The following SPR variants were observed in gnomAD, a reference collection of about 807,000 sequenced individuals.
SPR encodes the protein sepiapterin reductase.
SPR carries 12 observed loss-of-function variants against 16.0 expected under a neutral mutation model. The observed-to-expected ratio is 0.75, with a 90% CI of 0.48 to 1.22. The LOEUF (loss-of-function observed/expected upper bound fraction) is 1.22, where lower values mean the gene tolerates loss of function less well. Ranked by LOEUF, SPR falls within the 50% of genes most tolerant of loss-of-function variation. The pLI, the probability that SPR is intolerant of heterozygous loss-of-function variation, is 0.00. For missense variants in SPR, 324 were observed against 344.4 expected (o/e 0.94, Z 0.47); for synonymous variants, 177 against 168.5 (o/e 1.05, Z -0.39).
In SPR at chr2:72,891,444, G is replaced by A. The variant is rs772687023; in HGVS notation, c.693G>A (p.Leu231=). 1 of 1,614,256 alleles carries A rather than the reference G, an allele frequency of 6.2e-7. No individual in the cohort carries two copies. Among genetic ancestry groups the A allele is most frequent in the Non-Finnish European group, 8.5e-7 (1 of 1,180,050 alleles). The part of the protein sequence containing the change: ...GLQELKAKGK[L]VDCKVSAQKL... Reference sequence around the variant, plus strand: ...AGGAGCTGAAGGCAAAGGGGAAGCTGGTGGATTGCAAGGTGTCAGCCCAGA... The same window carrying A: ...AGGAGCTGAAGGCAAAGGGGAAGCTAGTGGATTGCAAGGTGTCAGCCCAGA... The change falls in exon 3 of 3, where the codon CTG becomes CTA. Residue 231 remains leucine, a synonymous_variant. Transcript: ENST00000234454.
At chr2:72,887,800 T>G in intron 1 of SPR, 64 bp downstream of exon 1, 2 of 1,423,006 alleles carry the variant, frequency 1.4e-6, no homozygotes, top group Non-Finnish European at 1.8e-6. Flanking sequence ...CGCTGGGGAA[T>G]TTAAGGGCTA....
Position 72,887,612 on chromosome 2 carries a change from C to A in SPR, c.180C>A (p.Gly60=). 1 of 1,427,862 alleles carries A rather than the reference C, an allele frequency of 7.0e-7. No homozygotes were observed. The highest frequency in any genetic ancestry group is 1.5e-5 in the South Asian group (1 of 67,108). The allele number at this position is 1,427,862 out of a possible 1,614,324, so 88.4% of individuals were successfully genotyped here. The change falls in exon 1 of 3, where the codon GGC becomes GGA. Residue 60 remains glycine, a synonymous_variant. Coordinates refer to ENST00000234454, the MANE Select transcript of SPR (RefSeq NM_003124.5). ...LEAELGAERS[G]LRVVRVPADL... ...CCGAGCTGGGCGCCGAGCGGTCTGG[C>A]CTGCGCGTGGTGCGGGTGCCCGCCG... is the stretch of plus-strand genomic sequence containing the variant.
intron 2 of SPR, among the ~76,000 whole-genome samples, chr2:72,891,030 T>A (rs1670613355): frequency 6.6e-6 from 1 of 152,162 alleles, no homozygotes; most frequent in Non-Finnish European, 1.5e-5. Context: ...ATGGACGTTT[T>A]GAGTCTGGGA....
Position 72,891,662 on chromosome 2 carries a change from T to A in SPR, c.*125T>A. On this transcript the variant is annotated 3_prime_UTR_variant, in exon 3 of 3. Coordinates refer to ENST00000234454, the MANE Select transcript of SPR (RefSeq NM_003124.5). ...TACACATAGAAGCATTCATGCCTGC[T>A]GCCCTGCCCTCAGGCACAGCCAGCT... 2 of 1,141,574 alleles carry A rather than the reference T, an allele frequency of 1.8e-6. No homozygotes were observed. Among genetic ancestry groups the A allele is most frequent in the Non-Finnish European group, 2.5e-6 (2 of 785,004 alleles). 70.7% of individuals were successfully genotyped at this position (1,141,574 alleles called of 1,614,324 possible).
chr2:72,889,147 C>T (rs1362211802), intron 2 of SPR, among the ~76,000 whole-genome samples: 1 of 152,204 alleles, frequency 6.6e-6, no homozygotes, highest in Non-Finnish European at 1.5e-5. Flanking sequence ...GACATGCTAG[C>T]TGTATGGAGA....
intron 2 of SPR, 147 bp from the exon 3 acceptor site, chr2:72,891,200 G>C (rs1255469505): frequency 1.2e-6 from 1 of 846,168 alleles, no homozygotes; most frequent in East Asian, 2.7e-5. Context: ...GGAGCCTTTG[G>C]CAACCCTGAC....
In SPR at chr2:72,891,573, C is replaced by T. The variant is rs373766439; in HGVS notation, c.*36C>T. 89 of 1,611,650 alleles carry T rather than the reference C, an allele frequency of 5.5e-5. No homozygotes were observed. Among genetic ancestry groups the T allele is most frequent in the Non-Finnish European group, 6.7e-5 (79 of 1,178,498 alleles). Reference sequence around the variant, plus strand: ...TTGGCTTCCTGAACCTTTTTGCCCCCACTTTTAGACATACCCCAGAGCCCT... The same window carrying T: ...TTGGCTTCCTGAACCTTTTTGCCCCTACTTTTAGACATACCCCAGAGCCCT... On this transcript the variant is annotated 3_prime_UTR_variant, in exon 3 of 3. Transcript: ENST00000234454.
In SPR at chr2:72,887,728, A is replaced by G; in HGVS notation, c.296A>G (p.Asn99Ser). 2 of 1,512,820 alleles carry G rather than the reference A, an allele frequency of 1.3e-6. No homozygotes were observed. The highest frequency in any genetic ancestry group is 2.6e-5 in the East Asian group (1 of 38,542). The allele number at this position is 1,512,820 out of a possible 1,614,324, so 93.7% of individuals were successfully genotyped here. The change falls in exon 1 of 3, where the codon AAC becomes AGC. Residue 99 changes from asparagine to serine, a missense_variant. Coordinates refer to ENST00000234454, the MANE Select transcript of SPR (RefSeq NM_003124.5). ...PKGLQRLLLINNAGSLGDVSK... is the reference protein window; with the variant it reads ...PKGLQRLLLISNAGSLGDVSK... ...GGGCTGCAGCGACTGCTGCTTATCA[A>G]CAACGCGGGTAAGACCCCGGGGCTG...
chr2:72,890,722 T>C (rs1670608064), intron 2 of SPR, among the ~76,000 whole-genome samples: 1 of 152,212 alleles, frequency 6.6e-6, no homozygotes, highest in South Asian at 2.1e-4. Context: ...CTAATTTTTG[T>C]ATTTTTAGTA....
At chr2:72,888,978 A>G (rs138863765) in intron 2 of SPR, among the ~76,000 whole-genome samples, 83 of 152,262 alleles carry the variant, frequency 5.5e-4, no homozygotes, top group African/African-American at 1.9e-3. Context: ...AATGACCCTG[A>G]CCTGTGAAGT....
rs1462724027 is a variant in SPR, at chr2:72,887,703, G to C, written c.271G>C (p.Gly91Arg). 2.0e-6 allele frequency: 3 copies of C among 1,510,858 alleles called. No homozygotes were observed. The East Asian group carries it at 7.9e-5, about 40-fold the overall frequency. 93.6% of individuals were successfully genotyped at this position (1,510,858 alleles called of 1,614,324 possible). A position where few individuals can be genotyped will look rare whatever the true frequency, so the allele number is the denominator to read the frequency against. Residue 91 changes from glycine to arginine, a missense_variant, in exon 1 of 3, where the codon GGG becomes CGG. By Grantham distance (125) the Gly-to-Arg change is moderately radical. Transcript: ENST00000234454. ...CCTGCGCGAGCTCCCCCGGCCCAAG[G>C]GGCTGCAGCGACTGCTGCTTATCAA... ...GALRELPRPK[G>R]LQRLLLINNA... is the part of the protein sequence containing the mutation.
Position 72,887,409 on chromosome 2 carries a change from G to C in SPR, c.-24G>C. 4 of 1,459,530 alleles carry C rather than the reference G, an allele frequency of 2.7e-6. No homozygotes were observed. The highest frequency in any genetic ancestry group is 3.6e-6 in the Non-Finnish European group (4 of 1,109,270). 90.4% of individuals were successfully genotyped at this position (1,459,530 alleles called of 1,614,324 possible). ...GCCTCCTGCCTGGTCTCGGGTGCCA[G>C]CGCCGCCGGCGGAGAACAGGAGCAT... On this transcript the variant is annotated 5_prime_UTR_variant, in exon 1 of 3. Transcript: ENST00000234454.
intron 2 of SPR, among the ~76,000 whole-genome samples, chr2:72,890,342 GTTTA>G (rs926445862): frequency 1.3e-5 from 2 of 152,072 alleles, no homozygotes; most frequent in African/African-American, 4.8e-5. Context: ...GTTTTTGTTT[GTTTA>G]TTTGTTTGTT....
At position 72,887,818 on chromosome 2, in the gene SPR, G is replaced by A. The variant is rs1449226279; in HGVS notation, c.304+82G>A. 2.7e-5 allele frequency: 36 copies of A among 1,331,340 alleles called. No homozygotes were observed. In the Admixed American group the frequency reaches 4.5e-4, roughly 16 times the overall value. 82.5% of individuals were successfully genotyped at this position (1,331,340 alleles called of 1,614,324 possible). Reference sequence around the variant, plus strand: ...TGGGGAATTTAAGGGCTACTCCTAGGGGTCAGATAGGACGCCTAGAAATCT... The same window carrying A: ...TGGGGAATTTAAGGGCTACTCCTAGAGGTCAGATAGGACGCCTAGAAATCT... On this transcript the variant is annotated intron_variant, in intron 1 of 2. Transcript: ENST00000234454.
In SPR at chr2:72,888,298, A is replaced by C. The variant is rs767397514; in HGVS notation, c.305-16A>C. 6.2e-7 allele frequency: 1 copy of C among 1,614,030 alleles called. No individual in the cohort carries two copies. The highest frequency in any genetic ancestry group is 1.1e-5 in the South Asian group (1 of 91,078). On this transcript the variant is annotated splice_polypyrimidine_tract_variant and intron_variant, in intron 1 of 2. Coordinates refer to ENST00000234454, the MANE Select transcript of SPR (RefSeq NM_003124.5). ...CCCCGCCTGCACTGAGTTACTCCTA[A>C]GGGTTGGTTTTTCAGGCTCTCTTGG...
At chr2:72,891,323 C>T in intron 2 of SPR, 24 bp from the exon 3 acceptor site, 2 of 1,613,972 alleles carry the variant, frequency 1.2e-6, no homozygotes, top group Non-Finnish European at 1.7e-6. Flanking sequence ...CATGTTCCCT[C>T]ATCGTCTCCT....
At chr2:72,890,203 AGGT>A (rs1670597728) in intron 2 of SPR, among the ~76,000 whole-genome samples, 6 of 152,216 alleles carry the variant, frequency 3.9e-5, no homozygotes, top group Admixed American at 3.3e-4. Context: ...TGGGCGTGGC[AGGT>A]CTTCAGTTTG....
chr2:72,888,734 C>A, intron 2 of SPR, 130 bp downstream of exon 2: 1 of 1,057,696 alleles, frequency 9.5e-7, no homozygotes, highest in Non-Finnish European at 1.3e-6. Context: ...CTTGACCCAT[C>A]ACCCCTTAGG....
At position 72,891,873 on chromosome 2, in the gene SPR, C is replaced by A. The variant is rs1670626801; in HGVS notation, c.*336C>A. On this transcript the variant is annotated 3_prime_UTR_variant, in exon 3 of 3. Transcript: ENST00000234454. ...AAGAGAGGAGGTTGTGTCTCTTGCTCATAGCAAGCCTGTGGGTAGAGGAAA... is the reference window on the plus strand; with the variant it reads ...AAGAGAGGAGGTTGTGTCTCTTGCTAATAGCAAGCCTGTGGGTAGAGGAAA... The A allele has an allele frequency of 8.2e-6, 3 of 366,344 alleles. No individual in the cohort carries two copies. Among genetic ancestry groups the A allele is most frequent in the South Asian group, 2.7e-5 (1 of 36,896 alleles). 22.7% of individuals were successfully genotyped at this position (366,344 alleles called of 1,614,324 possible).
Sources: allele counts gnomAD v4.1 joint callset (sites outside exome capture counted in the v4.1 genomes callset), GRCh38; gene constraint gnomAD v4.1.1; transcripts MANE v1.5; gene names NCBI Gene and HGNC (gene_info 2026-07-23, HGNC 2026-07-21).